CTNNA2: variants seen among roughly 807,000 people sequenced by gnomAD.
CTNNA2 encodes the protein catenin alpha-2.
Under a neutral mutation model 101.0 loss-of-function variants are expected in CTNNA2, and 42 were observed. That is an observed-to-expected ratio of 0.42 (90% CI 0.32 to 0.54). The LOEUF (loss-of-function observed/expected upper bound fraction) is 0.54, where lower values mean the gene tolerates loss of function less well. Ranked by LOEUF, CTNNA2 falls within the 20% of genes least tolerant of loss-of-function variation. CTNNA2 has a pLI of 0.14. For synonymous variants in CTNNA2, 450 were observed against 456.4 expected (o/e 0.99, Z 0.18); for missense variants, 871 against 1,223.1 (o/e 0.71, Z 4.29).
At chr2:79,964,184 G>T (rs1355597144) in intron 7 of CTNNA2, among the ~76,000 whole-genome samples, 1 of 152,102 alleles carries the variant, frequency 6.6e-6, no homozygotes, top group Non-Finnish European at 1.5e-5. Flanking sequence ...ACTTAAACTA[G>T]GTTGATCTTA....
At chr2:79,335,803 G>A (rs1676981749) in intron 3 of CTNNA2, among the ~76,000 whole-genome samples, 1 of 152,132 alleles carries the variant, frequency 6.6e-6, no homozygotes, top group African/African-American at 2.4e-5. Flanking sequence ...CAAGAAATAG[G>A]AAAAGAGGAA....
At chr2:80,253,637 T>C (rs183494843) in intron 7 of CTNNA2, among the ~76,000 whole-genome samples, 77 of 152,316 alleles carry the variant, frequency 5.1e-4, no homozygotes, top group African/African-American at 1.8e-3. Flanking sequence ...CCTTTCTTTT[T>C]TTGCAAACTT....
chr2:79,454,067 G>A (rs1573173257), intron 4 of CTNNA2, among the ~76,000 whole-genome samples: 3 of 152,210 alleles, frequency 2.0e-5, no homozygotes, highest in South Asian at 4.1e-4. Flanking sequence ...AATAGGATCG[G>A]GAAGAGAACC....
chr2:80,592,071 T>C (rs1425244142), intron 15 of CTNNA2, among the ~76,000 whole-genome samples: 3 of 152,200 alleles, frequency 2.0e-5, no homozygotes, highest in African/African-American at 4.8e-5. Flanking sequence ...AGCTCAAGTT[T>C]AATTGTACAG....
intron 5 of CTNNA2, among the ~76,000 whole-genome samples, chr2:79,871,868 C>T (rs183754957): frequency 6.6e-6 from 1 of 152,226 alleles, no homozygotes; most frequent in East Asian, 1.9e-4. Flanking sequence ...ACATTAAAAG[C>T]CACGAGAATA....
intron 2 of CTNNA2, among the ~76,000 whole-genome samples, chr2:79,279,834 G>A (rs1294663988): frequency 6.6e-6 from 1 of 151,986 alleles, no homozygotes; most frequent in East Asian, 1.9e-4. Flanking sequence ...AGGATATTCT[G>A]TTTTGTTCAT....
intron 1 of CTNNA2, among the ~76,000 whole-genome samples, chr2:79,519,170 A>T (rs1447083267): frequency 6.7e-6 from 1 of 149,542 alleles, no homozygotes; most frequent in Non-Finnish European, 1.5e-5. Flanking sequence ...CGGAGGCTGC[A>T]GTGAGCCGAG....
At chr2:79,667,455 G>C (rs1487406722) in intron 2 of CTNNA2, among the ~76,000 whole-genome samples, 1 of 152,066 alleles carries the variant, frequency 6.6e-6, no homozygotes, top group African/African-American at 2.4e-5. Flanking sequence ...TTGCTCTTTA[G>C]CATGTATTTG....
At chr2:80,365,242 A>G (rs1038047854) in intron 7 of CTNNA2, among the ~76,000 whole-genome samples, 9 of 152,290 alleles carry the variant, frequency 5.9e-5, no homozygotes, top group South Asian at 4.1e-4. Flanking sequence ...TGTTTCTAAC[A>G]TGAAATTCAA....
At chr2:79,866,667 G>A (rs1682123452) in intron 4 of CTNNA2, 1 of 152,130 alleles carries the variant, frequency 6.6e-6, no homozygotes, top group African/African-American at 2.4e-5. Flanking sequence ...GACTTTCCAA[G>A]AGTAAGATAA....
At chr2:80,184,792 G>T (rs534320269) in intron 7 of CTNNA2, among the ~76,000 whole-genome samples, 6 of 152,128 alleles carry the variant, frequency 3.9e-5, no homozygotes, top group Admixed American at 6.5e-5. Context: ...AGTAACAATT[G>T]AGTTCATTTT....
intron 18 of CTNNA2, among the ~76,000 whole-genome samples, chr2:80,620,239 G>A (rs1386563948): frequency 6.6e-6 from 1 of 151,596 alleles, no homozygotes; most frequent in Non-Finnish European, 1.5e-5. Context: ...AATATATAAA[G>A]AGGGTATCAT....
chr2:79,923,249 A>G (rs1014442013), intron 7 of CTNNA2, among the ~76,000 whole-genome samples: 2 of 152,150 alleles, frequency 1.3e-5, no homozygotes, highest in Non-Finnish European at 2.9e-5. Flanking sequence ...GTAAGAGACA[A>G]TGGTAGAGGC....
At chr2:79,740,423 T>G (rs1671208405) in intron 2 of CTNNA2, among the ~76,000 whole-genome samples, 1 of 152,170 alleles carries the variant, frequency 6.6e-6, no homozygotes, top group South Asian at 2.1e-4. Flanking sequence ...ATTTGGTTAG[T>G]TATAAGATTT....
chr2:79,683,346 A>C (rs1683714595), intron 2 of CTNNA2, among the ~76,000 whole-genome samples: 2 of 152,228 alleles, frequency 1.3e-5, no homozygotes, highest in African/African-American at 4.8e-5. Flanking sequence ...TTTAGGACTT[A>C]AACATACAGA....
intron 3 of CTNNA2, chr2:79,320,046 AT>A (rs1246500215): frequency 1.3e-5 from 2 of 152,060 alleles, no homozygotes; most frequent in Non-Finnish European, 2.9e-5. Flanking sequence ...TGAGTGATAT[AT>A]TTTTAGTCAA....
intron 9 of CTNNA2, among the ~76,000 whole-genome samples, chr2:80,464,127 T>C (rs1029271442): frequency 2.6e-5 from 4 of 152,166 alleles, no homozygotes; most frequent in Admixed American, 2.6e-4. Flanking sequence ...CAAGCATCAC[T>C]GCAGCCCTCT....
chr2:80,532,319 A>G (rs1690613879), intron 9 of CTNNA2, among the ~76,000 whole-genome samples: 1 of 152,170 alleles, frequency 6.6e-6, no homozygotes, highest in African/African-American at 2.4e-5. Context: ...TCTGAATAGC[A>G]TAATGAAATC....
At chr2:80,343,485 A>G (rs1234398889) in intron 7 of CTNNA2, among the ~76,000 whole-genome samples, 3 of 151,868 alleles carry the variant, frequency 2.0e-5, no homozygotes, top group Non-Finnish European at 4.4e-5. Context: ...AAATGATTAT[A>G]TAATTGGGAA....
Sources: gnomAD v4.1 joint callset for allele counts (sites outside exome capture counted in the v4.1 genomes callset) on GRCh38, gnomAD v4.1.1 for gene constraint, MANE v1.5 for transcripts, NCBI Gene and HGNC (gene_info 2026-07-23, HGNC 2026-07-21) for gene names.